The following MICAL2 variants were observed in gnomAD, a reference collection of about 807,000 sequenced individuals.
MICAL2 encodes [F-actin]-monooxygenase MICAL2.
In MICAL2, 77 loss-of-function variants were observed where a neutral mutation model predicts 127.3. The observed-to-expected ratio is 0.60, with a 90% CI of 0.50 to 0.73. MICAL2 has a LOEUF of 0.73. MICAL2 is among the 30% of genes least tolerant of loss of function. The probability of loss-of-function intolerance (pLI) is 0.00; values close to 1 mark genes in which losing one functional copy is unlikely to be tolerated. For missense variants in MICAL2, 1,351 were observed against 1,434.4 expected, an observed-to-expected ratio of 0.94 and a Z score of 0.94; for synonymous variants, 570 against 551.1, an observed-to-expected ratio of 1.03 and a Z score of -0.48.
At chr11:12,146,385 TCAA>T (rs1309500158) in intron 2 of MICAL2, among the ~76,000 whole-genome samples, 11 of 152,188 alleles carry the variant, frequency 7.2e-5, no homozygotes, top group African/African-American at 2.4e-4. Context: ...GACAACCCCA[TCAA>T]CAAGTGGGCG....
chr11:12,331,893 G>T (rs1164193039), intron 32 of MICAL2, among the ~76,000 whole-genome samples: 13 of 152,092 alleles, frequency 8.5e-5, no homozygotes, highest in Admixed American at 1.3e-4. Flanking sequence ...GATGGTCAAT[G>T]ACTTCTCAAA....
rs763069562 is a variant in MICAL2 at position 12,256,762 on chromosome 11, C to T, written c.2956-23C>T. 1.6e-5 allele frequency: 26 copies of T among 1,586,734 alleles called. No individual in the cohort carries two copies. In the African/African-American group the frequency reaches 3.2e-4, roughly 20 times the overall value. On this transcript the variant is annotated intron_variant, in intron 23 of 27. Coordinates refer to ENST00000683283, the MANE Select transcript of MICAL2 (RefSeq NM_001282663.2). ...GGCTCGGGATAAGCCATAATACACC[C>T]ACTCTTCTCTCCCGATCCCCAGGAA...
intron 16 of MICAL2, among the ~76,000 whole-genome samples, chr11:12,236,676 A>G (rs1002387675): frequency 1.3e-5 from 2 of 152,242 alleles, no homozygotes; most frequent in Admixed American, 6.5e-5. Context: ...CCTTTAAGGC[A>G]TATGTCGTGG....
chr11:12,276,955 G>A (rs1863728050), intron 1 of MICAL2, among the ~76,000 whole-genome samples: 1 of 152,134 alleles, frequency 6.6e-6, no homozygotes, highest in African/African-American at 2.4e-5. Context: ...GCCAGGAAAA[G>A]GCCTCTGTAG....
Position 12,241,037 on chromosome 11 carries a change from C to T in MICAL2, c.2215-3C>T, listed in dbSNP as rs751194444. 9 of 1,613,526 alleles carry T rather than the reference C, an allele frequency of 5.6e-6. No homozygotes were observed. The East Asian group carries it at 2.0e-4, about 36-fold the overall frequency. On this transcript the variant is annotated splice_polypyrimidine_tract_variant and splice_region_variant and intron_variant, in intron 17 of 27. Coordinates refer to ENST00000683283, the MANE Select transcript of MICAL2 (RefSeq NM_001282663.2). ...TTTTTTGGACTCGCCTTTCTTCTCC[C>T]AGGAACGCCGTGTCTCAGGGATAGG...
At position 12,110,756 on chromosome 11, in the gene MICAL2, T is replaced by TGGGGAGGGC. The variant is rs1365656368; in HGVS notation, c.-149+34_-149+42dup. 8.0e-5 allele frequency: 2 copies of TGGGGAGGGC among 24,994 alleles called. No individual in the cohort carries two copies. Among genetic ancestry groups the TGGGGAGGGC allele is most frequent in the Admixed American group, 6.3e-4 (2 of 3,158 alleles). 1.5% of individuals were successfully genotyped at this position (24,994 alleles called of 1,614,324 possible). A position where few individuals can be genotyped will look rare whatever the true frequency, so the allele number is the denominator to read the frequency against. ...GGCGGGGGCGGCGCTGGCCTCAGGG[T>TGGGGAGGGC]GGGGAGGGCGGGCGGGCGCGGGTGG... On this transcript the variant is annotated intron_variant, in intron 1 of 27. Transcript: ENST00000683283. This position sits in a 1 kb window ranked among gnomAD's most constrained non-coding sequence, Gnocchi z 4.5.
intron 14 of MICAL2, 105 bp downstream of exon 14, chr11:12,226,475 A>C: frequency 8.4e-7 from 1 of 1,194,836 alleles, no homozygotes; most frequent in Non-Finnish European, 1.2e-6. Flanking sequence ...GGGGCTGCCC[A>C]GTGTGTTCCC....
chr11:12,350,454 G>GAT (rs1939026143), intron 33 of MICAL2, among the ~76,000 whole-genome samples: 1 of 152,134 alleles, frequency 6.6e-6, no homozygotes, highest in African/African-American at 2.4e-5. Context: ...AAAAGCTGAA[G>GAT]GTCACTATAC....
At chr11:12,193,714 A>G (rs1859514800) in intron 3 of MICAL2, among the ~76,000 whole-genome samples, 1 of 152,206 alleles carries the variant, frequency 6.6e-6, no homozygotes, top group Non-Finnish European at 1.5e-5. Context: ...CATGATGGAT[A>G]TGAGTTTCTG....
chr11:12,271,678 G>C (rs984685197), upstream of MICAL2, among the ~76,000 whole-genome samples: 2 of 152,146 alleles, frequency 1.3e-5, no homozygotes, highest in Non-Finnish European at 2.9e-5. Flanking sequence ...ATTTGTACTA[G>C]TGCCACTAGT....
rs574617554 is a variant in MICAL2, at chr11:12,242,375, G to A, written c.2499G>A (p.Ala833=). 69 of 1,613,796 alleles carry A rather than the reference G, an allele frequency of 4.3e-5. No individual in the cohort carries two copies. The South Asian group carries it at 6.0e-4, about 14-fold the overall frequency. ...CCCTGCCTTCTACCCGCCCGAGGGCGCAGGCTCTTTCCGGGGTGCTGTGGC... is the reference window on the plus strand; with the variant it reads ...CCCTGCCTTCTACCCGCCCGAGGGCACAGGCTCTTTCCGGGGTGCTGTGGC... The part of the protein sequence containing the change: ...FATLPSTRPR[A]QALSGVLWRL... Residue 833 remains alanine, a synonymous_variant, in exon 19 of 28, where the codon GCG becomes GCA. Coordinates refer to ENST00000683283, the MANE Select transcript of MICAL2 (RefSeq NM_001282663.2).
chr11:12,164,875 C>T (rs563652953), intron 3 of MICAL2, among the ~76,000 whole-genome samples: 2 of 152,302 alleles, frequency 1.3e-5, no homozygotes, highest in East Asian at 3.9e-4. Context: ...CGGCTCACGC[C>T]TGTAATCCCA....
intron 1 of MICAL2, among the ~76,000 whole-genome samples, chr11:12,127,892 T>G (rs527294528): frequency 6.6e-6 from 1 of 152,320 alleles, no homozygotes; most frequent in East Asian, 1.9e-4. Context: ...TGCTGCAAGC[T>G]CCACATCTGT....
chr11:12,156,218 C>T (rs377358691), intron 2 of MICAL2, among the ~76,000 whole-genome samples: 9 of 152,266 alleles, frequency 5.9e-5, no homozygotes, highest in South Asian at 2.1e-4. Flanking sequence ...GGTTGAGCTT[C>T]GTGGTGAGTC....
downstream of MICAL2, chr11:12,293,723 C>G: frequency 1.2e-6 from 2 of 1,613,920 alleles, no homozygotes; most frequent in Non-Finnish European, 1.7e-6. Context: ...CCTGGTGAGC[C>G]CTGGTGAAGA....
intron 17 of MICAL2, 51 bp downstream of exon 17, chr11:12,239,636 C>T: frequency 1.3e-6 from 2 of 1,588,884 alleles, no homozygotes; most frequent in Non-Finnish European, 1.7e-6. Flanking sequence ...GACTTTTCAG[C>T]AGGAATGTTC....
downstream of MICAL2, chr11:12,287,440 G>A (rs1863839207): frequency 6.7e-6 from 2 of 296,478 alleles, no homozygotes; most frequent in South Asian, 1.6e-4. Context: ...ACCCAGACAG[G>A]GCCTTAGCCA....
intron 15 of MICAL2, among the ~76,000 whole-genome samples, chr11:12,230,320 A>T (rs1255507945): frequency 3.9e-5 from 6 of 152,208 alleles, no homozygotes; most frequent in Admixed American, 3.9e-4. Flanking sequence ...TCTGAAATCC[A>T]TACACAATTA....
upstream of MICAL2, among the ~76,000 whole-genome samples, chr11:12,271,777 G>A (rs552217170): frequency 5.9e-5 from 9 of 152,274 alleles, no homozygotes; most frequent in Non-Finnish European, 1.2e-4. Flanking sequence ...GAATTTTCTC[G>A]TGGAGGTGGC....
Sources: gnomAD v4.1 joint callset for allele counts (sites outside exome capture counted in the v4.1 genomes callset) on GRCh38, gnomAD v4.1.1 for gene constraint, Gnocchi (gnomAD v3.1) non-coding constraint, MANE v1.5 for transcripts, NCBI Gene and HGNC (gene_info 2026-07-23, HGNC 2026-07-21) for gene names.